SERINC3: variants seen among roughly 807,000 people sequenced by gnomAD.
SERINC3 encodes serine incorporator 3.
A neutral mutation model predicts 52.1 loss-of-function variants in SERINC3; 22 were observed. That is an observed-to-expected ratio of 0.42 (90% CI 0.30 to 0.60). The LOEUF (loss-of-function observed/expected upper bound fraction) is 0.60. Ranked by LOEUF, SERINC3 falls within the 20% of genes least tolerant of loss-of-function variation. The probability of loss-of-function intolerance (pLI) is 0.16; values close to 1 mark genes in which losing one functional copy is unlikely to be tolerated. For synonymous variants in SERINC3, 226 were observed against 212.7 expected (o/e 1.06, Z -0.54); for missense variants, 564 against 584.6 (o/e 0.96, Z 0.36).
chr20:44,521,588 C>T (rs1446254357), intron 1 of SERINC3, among the ~76,000 whole-genome samples: 1 of 152,198 alleles, frequency 6.6e-6, no homozygotes, highest in African/African-American at 2.4e-5. Context: ...CGGGAGGAAC[C>T]GGAGCCCCTC....
At chr20:44,496,405 A>G (rs2064249582), downstream of SERINC3, 1 of 152,420 alleles carries the variant, frequency 6.6e-6, no homozygotes, top group Non-Finnish European at 1.5e-5. Flanking sequence ...AGAGATGAAC[A>G]GCAGCTTCCA....
chr20:44,517,986 T>G (rs1164158865), intron 1 of SERINC3, among the ~76,000 whole-genome samples: 9 of 152,206 alleles, frequency 5.9e-5, no homozygotes, highest in Admixed American at 5.2e-4. Context: ...CCCGAATGCC[T>G]TCCCTTTTCC....
At chr20:44,504,048 G>C in intron 7 of SERINC3, 53 bp from the exon 8 acceptor site, 1 of 1,467,044 alleles carries the variant, frequency 6.8e-7, no homozygotes, top group Non-Finnish European at 9.2e-7. Flanking sequence ...CTTGTTCCAA[G>C]AAAGAACTTG....
At chr20:44,514,331 C>T (rs1192901192) in intron 1 of SERINC3, among the ~76,000 whole-genome samples, 1 of 152,174 alleles carries the variant, frequency 6.6e-6, no homozygotes, top group Non-Finnish European at 1.5e-5. Flanking sequence ...TCAACACTAC[C>T]TAAAATGCAT....
At chr20:44,521,831 A>G (rs1420656700) in intron 1 of SERINC3, 82 bp downstream of exon 1, 2 of 1,405,988 alleles carry the variant, frequency 1.4e-6, no homozygotes, top group South Asian at 1.2e-5. Context: ...GAGCCTCTGG[A>G]GCCAAGGCCC....
In SERINC3 at chr20:44,499,946, A is replaced by G. The variant is rs79486086; in HGVS notation, c.*350T>C. On this transcript the variant is annotated 3_prime_UTR_variant, in exon 10 of 10. Coordinates refer to ENST00000342374, the MANE Select transcript of SERINC3 (RefSeq NM_006811.4). ...AGGATACTGCAATATAAATATATTA[A>G]GCATGGCCTCAAATATCCAACATTT... 9.5e-3 allele frequency: 1,575 copies of G among 165,824 alleles called. 16 individuals are homozygous for G. The highest frequency in any genetic ancestry group is 0.014 in the Non-Finnish European group (1,082 of 77,150). The allele number at this position is 165,824 out of a possible 1,614,324, so 10.3% of individuals were successfully genotyped here.
intron 6 of SERINC3, 46 bp from the exon 7 acceptor site, chr20:44,504,937 T>C: frequency 6.7e-7 from 1 of 1,496,348 alleles, no homozygotes; most frequent in Non-Finnish European, 9.3e-7. Context: ...TGCCAAGGGC[T>C]GACTTTCCAA....
At chr20:44,515,842 G>C (rs559907549) in intron 1 of SERINC3, among the ~76,000 whole-genome samples, 2 of 151,896 alleles carry the variant, frequency 1.3e-5, no homozygotes, top group South Asian at 2.1e-4. Context: ...TTTTAGTAGA[G>C]ACAGGGTTTT....
At chr20:44,505,520 C>T (rs1281309369) in intron 6 of SERINC3, among the ~76,000 whole-genome samples, 1 of 152,038 alleles carries the variant, frequency 6.6e-6, no homozygotes, top group Non-Finnish European at 1.5e-5. Context: ...GGGGTTTCGT[C>T]ATGTTGGCCA....
In SERINC3 at chr20:44,501,319, G is replaced by A. The variant is rs1228214546; in HGVS notation, c.1056-19C>T. 6.2e-7 allele frequency: 1 copy of A among 1,604,392 alleles called. No individual in the cohort carries two copies. Among genetic ancestry groups the A allele is most frequent in the Non-Finnish European group, 8.5e-7 (1 of 1,171,638 alleles). The stretch of plus-strand genomic sequence containing the variant: ...GCGGATGCTGGAAAGTGATCCCAAG[G>A]AAGACAAATCAGAAAGGGGCCATGA... On this transcript the variant is annotated intron_variant, in intron 8 of 9. Transcript: ENST00000342374.
chr20:44,502,996 G>T (rs1050715244), intron 8 of SERINC3, among the ~76,000 whole-genome samples: 1 of 152,084 alleles, frequency 6.6e-6, no homozygotes, highest in African/African-American at 2.4e-5. Context: ...AAAATACTTA[G>T]AATTGTATTT....
Position 44,500,255 on chromosome 20 carries a change from G to A in SERINC3, c.*41C>T, listed in dbSNP as rs1439108618. ...AGGTATATGGGTTTTCGGTGAAGGA[G>A]ACCTTTGTGAGTTCCAGTGGTGTCC... On this transcript the variant is annotated 3_prime_UTR_variant, in exon 10 of 10. Coordinates refer to ENST00000342374, the MANE Select transcript of SERINC3 (RefSeq NM_006811.4). 1 of 1,585,282 alleles carries A rather than the reference G, an allele frequency of 6.3e-7. No individual in the cohort carries two copies. The highest frequency in any genetic ancestry group is 2.3e-5 in the East Asian group (1 of 44,300).
intron 5 of SERINC3, among the ~76,000 whole-genome samples, chr20:44,507,244 G>A (rs1600812623): frequency 1.3e-5 from 2 of 152,304 alleles, no homozygotes; most frequent in Middle Eastern, 3.4e-3. Context: ...TTCATGGGTT[G>A]ATTACCAGAC....
chr20:44,505,042 T>C (rs543827485), intron 6 of SERINC3, 151 bp from the exon 7 acceptor site: 83 of 570,652 alleles, frequency 1.5e-4, no homozygotes, highest in African/African-American at 1.4e-3. Context: ...TAACCTTCTG[T>C]TCAGTTAGCT....
At chr20:44,508,128 T>C (rs549120044) in intron 5 of SERINC3, among the ~76,000 whole-genome samples, 3 of 152,344 alleles carry the variant, frequency 2.0e-5, no homozygotes, top group South Asian at 2.1e-4. Context: ...TTAGTTACTG[T>C]AAAGTATGAC....
At chr20:44,519,127 G>A (rs1385533389) in intron 1 of SERINC3, among the ~76,000 whole-genome samples, 2 of 152,134 alleles carry the variant, frequency 1.3e-5, no homozygotes, top group Non-Finnish European at 2.9e-5. Context: ...CAAAAGGCTG[G>A]AGGAAGATTC....
chr20:44,505,128 A>G (rs962967532), intron 6 of SERINC3, among the ~76,000 whole-genome samples: 1 of 152,222 alleles, frequency 6.6e-6, no homozygotes, highest in African/African-American at 2.4e-5. Flanking sequence ...ATTCCTGTGC[A>G]TCACACAAGG....
chr20:44,513,282 G>A (rs945061360), intron 2 of SERINC3, among the ~76,000 whole-genome samples: 2 of 152,012 alleles, frequency 1.3e-5, no homozygotes, highest in African/African-American at 2.4e-5. Flanking sequence ...TCAGGAGTTC[G>A]AGACCACCCT....
Position 44,500,155 on chromosome 20 carries a change from A to T in SERINC3, c.*141T>A. On this transcript the variant is annotated 3_prime_UTR_variant, in exon 10 of 10. Coordinates refer to ENST00000342374, the MANE Select transcript of SERINC3 (RefSeq NM_006811.4). ...TCTGCATCAAGCATTATTCAATCTC[A>T]CCTTCTGATATAAACCTGCATACAG... The T allele has an allele frequency of 7.2e-6, 6 of 838,218 alleles. No homozygotes were observed. In the South Asian group the frequency reaches 1.2e-4, roughly 16 times the overall value. The allele number at this position is 838,218 out of a possible 1,614,324, so 51.9% of individuals were successfully genotyped here.
Sources: allele counts gnomAD v4.1 joint callset (sites outside exome capture counted in the v4.1 genomes callset), GRCh38; gene constraint gnomAD v4.1.1; transcripts MANE v1.5; gene names NCBI Gene and HGNC (gene_info 2026-07-23, HGNC 2026-07-21).